Variants in PHACTR1 observed in about 807,000 individuals in gnomAD.
PHACTR1 encodes the protein phosphatase and actin regulator 1.
PHACTR1 carries 16 observed loss-of-function variants against 69.2 expected under a neutral mutation model. The ratio of observed to expected loss-of-function variants is 0.23; its 90% CI spans 0.16 to 0.35. The LOEUF (loss-of-function observed/expected upper bound fraction) is 0.35. Ranked by LOEUF, PHACTR1 falls within the 10% of genes least tolerant of loss-of-function variation. The pLI is 1.00. For missense variants in PHACTR1, 510 were observed against 734.7 expected, an observed-to-expected ratio of 0.69 and a Z score of 3.54; for synonymous variants, 312 against 284.5, an observed-to-expected ratio of 1.10 and a Z score of -0.97.
At chr6:12,891,988 A>G (rs779264101) in intron 4 of PHACTR1, among the ~76,000 whole-genome samples, 5 of 152,254 alleles carry the variant, frequency 3.3e-5, no homozygotes, top group Non-Finnish European at 5.9e-5. Flanking sequence ...AATTCCATCA[A>G]TCATTCCCAA....
chr6:12,779,064 G>A (rs1047872740), intron 4 of PHACTR1, among the ~76,000 whole-genome samples: 2 of 152,196 alleles, frequency 1.3e-5, no homozygotes, highest in Non-Finnish European at 2.9e-5. Context: ...GGCCGGGCAC[G>A]GTGGCTCATG....
chr6:12,718,858 A>C lies in PHACTR1; in HGVS notation c.103+11A>C, dbSNP rs1424210696. ...GTCAAGGAGCTCAAGGTAATAAAAT[A>C]AGAAAAAGAAATTCCTCTTATTTGC... is the stretch of plus-strand genomic sequence containing the variant. On this transcript the variant is annotated intron_variant, in intron 3 of 14. Coordinates refer to ENST00000332995, the MANE Select transcript of PHACTR1 (RefSeq NM_030948.6). 1 of 1,495,092 alleles carries C rather than the reference A, an allele frequency of 6.7e-7. No individual in the cohort carries two copies. Among genetic ancestry groups the C allele is most frequent in the South Asian group, 1.3e-5 (1 of 78,976 alleles). 92.6% of individuals were successfully genotyped at this position (1,495,092 alleles called of 1,614,324 possible). A position where few individuals can be genotyped will look rare whatever the true frequency, so the allele number is the denominator to read the frequency against.
At chr6:12,887,510 C>T (rs550248024) in intron 4 of PHACTR1, among the ~76,000 whole-genome samples, 8 of 152,298 alleles carry the variant, frequency 5.3e-5, no homozygotes, top group Non-Finnish European at 1.0e-4. Flanking sequence ...CATCTAGCAG[C>T]GTCTATCCAT....
chr6:13,029,116 C>T (rs1802093528), intron 4 of PHACTR1, among the ~76,000 whole-genome samples: 1 of 152,116 alleles, frequency 6.6e-6, no homozygotes, highest in Non-Finnish European at 1.5e-5. Context: ...GAAAATGAGG[C>T]TCAGTTGAAC....
Position 12,761,962 on chromosome 6 carries a change from C to A in PHACTR1, c.250+12172C>A, listed in dbSNP as rs190101976. ...TGCCCTGCATTTCTTCCAGACCTCG[C>A]GCCACGCTGCCTTCCAGCAACATCC... On this transcript the variant is annotated intron_variant, in intron 4 of 14. Transcript: ENST00000332995. Among the ~76,000 whole-genome samples, 478 of 152,326 alleles carry A rather than the reference C, an allele frequency of 3.1e-3. 4 individuals are homozygous for A. Among genetic ancestry groups the A allele is most frequent in the African/African-American group, 0.011 (458 of 41,572 alleles).
chr6:13,150,502 C>T (rs1003155086), intron 5 of PHACTR1, among the ~76,000 whole-genome samples: 1 of 152,014 alleles, frequency 6.6e-6, no homozygotes, highest in Non-Finnish European at 1.5e-5. Flanking sequence ...AGTGAAAGAC[C>T]CAATATGTGG....
Position 13,043,031 on chromosome 6 carries a change from T to A in PHACTR1, c.251-10334T>A, listed in dbSNP as rs545844600. ...TATAGTGGTTTCAGGCAGGGCTGGA[T>A]CCAGAAGACCAAGTGATGTAATGAG... On this transcript the variant is annotated intron_variant, in intron 4 of 14. Transcript: ENST00000332995. Among the ~76,000 whole-genome samples, 12 of 152,316 alleles carry A rather than the reference T, an allele frequency of 7.9e-5. No individual in the cohort carries two copies. The South Asian group carries it at 2.5e-3, about 32-fold the overall frequency.
chr6:13,082,621 C>G, intron 5 of PHACTR1, among the ~76,000 whole-genome samples: 1 of 152,192 alleles, frequency 6.6e-6, no homozygotes, highest in East Asian at 1.9e-4. Flanking sequence ...TGTTTCCTGA[C>G]TTATTAATGA....
At chr6:12,909,650 A>T (rs1406447951) in intron 4 of PHACTR1, among the ~76,000 whole-genome samples, 2 of 152,204 alleles carry the variant, frequency 1.3e-5, no homozygotes, top group African/African-American at 4.8e-5. Flanking sequence ...TGGCCCATGT[A>T]TCCCCTCCAG....
chr6:12,863,320 G>A (rs914179491), intron 4 of PHACTR1, among the ~76,000 whole-genome samples: 4 of 152,192 alleles, frequency 2.6e-5, no homozygotes, highest in Non-Finnish European at 5.9e-5. Flanking sequence ...CCTTCTCATG[G>A]TATCCTCATG....
rs1165735724 is a variant in PHACTR1 at position 13,272,637 on chromosome 6, G to C, written c.1392-223G>C. The C allele has an allele frequency of 3.6e-6, 5 of 1,399,888 alleles. No individual in the cohort carries two copies. In the East Asian group the frequency reaches 1.3e-4, roughly 36 times the overall value. The allele number at this position is 1,399,888 out of a possible 1,614,324, so 86.7% of individuals were successfully genotyped here. A position where few individuals can be genotyped will look rare whatever the true frequency, so the allele number is the denominator to read the frequency against. On this transcript the variant is annotated intron_variant, in intron 10 of 14. Transcript: ENST00000332995. ...GGCTGGGGAGGGGCCGCTGCAGGGA[G>C]GAGGGCGGGGGTCAGCGGCTGTGAC...
chr6:13,273,905 C>CCCCCCCCCCCCCCCCCCCCCCCCCCCCA (rs1778306173), intron 11 of PHACTR1: 1 of 131,878 alleles, frequency 7.6e-6, no homozygotes, highest in Non-Finnish European at 1.6e-5. Context: ...TCCCCCGGCC[C>CCCCCCCCCCCCCCCCCCCCCCCCCCCCA]CCCCGCCCCG....
In PHACTR1 at chr6:13,163,043, G is replaced by A. The variant is rs776537175; in HGVS notation, c.496+2759G>A. Among the ~76,000 whole-genome samples, 4 of 152,138 alleles carry A rather than the reference G, an allele frequency of 2.6e-5. No homozygotes were observed. In the East Asian group the frequency reaches 5.8e-4, roughly 22 times the overall value. On this transcript the variant is annotated intron_variant, in intron 6 of 14. Transcript: ENST00000332995. Reference sequence around the variant, plus strand: ...GTGGATCGCTTGAGGTCAGGAGTTCGAGACCAGCCTGGCCAACATGGTGAA... The same window carrying A: ...GTGGATCGCTTGAGGTCAGGAGTTCAAGACCAGCCTGGCCAACATGGTGAA...
chr6:12,921,293 A>C (rs532260434), intron 4 of PHACTR1, among the ~76,000 whole-genome samples: 45 of 152,230 alleles, frequency 3.0e-4, no homozygotes, highest in African/African-American at 8.9e-4. Context: ...AGGCATTCAC[A>C]CCCAGCTTTC....
intron 7 of PHACTR1, among the ~76,000 whole-genome samples, chr6:13,202,288 CAA>C (rs1037077670): frequency 5.3e-5 from 8 of 152,162 alleles, no homozygotes; most frequent in Admixed American, 5.2e-4. Context: ...GGGCAGAACT[CAA>C]TATAATCACT....
chr6:13,008,256 G>A (rs4075573), intron 4 of PHACTR1, among the ~76,000 whole-genome samples: 221 of 152,242 alleles, frequency 1.5e-3, no homozygotes, highest in African/African-American at 4.9e-3. Flanking sequence ...CCTCACTTGC[G>A]GGGCAATCAA....
At chr6:12,864,495 AC>A (rs1781256279) in intron 4 of PHACTR1, among the ~76,000 whole-genome samples, 4 of 152,178 alleles carry the variant, frequency 2.6e-5, no homozygotes, top group Admixed American at 2.6e-4. Context: ...CCTGGCTAAC[AC>A]GCTGAAACCC....
chr6:12,874,463 T>G (rs1782349150), intron 4 of PHACTR1, among the ~76,000 whole-genome samples: 1 of 152,230 alleles, frequency 6.6e-6, no homozygotes. Context: ...TGGCTATTCA[T>G]CATATCTTTC....
rs146741891 is a variant in PHACTR1 at position 13,245,832 on chromosome 6, G to T, written c.1391+15639G>T. On this transcript the variant is annotated intron_variant, in intron 10 of 14. Transcript: ENST00000332995. The surrounding 1 kb of genome is among the most constrained non-coding windows in gnomAD (Gnocchi z 4.1). The stretch of plus-strand genomic sequence containing the variant: ...TCTCGAGTTGATTTTTGTATATGGT[G>T]TAAGGAGCAGGTCCAGTTTCAATCC... Among the ~76,000 whole-genome samples, 281 of 152,246 alleles carry T rather than the reference G, an allele frequency of 1.8e-3. 4 individuals are homozygous for T. Among genetic ancestry groups the T allele is most frequent in the African/African-American group, 6.6e-3 (275 of 41,546 alleles).
Sources: gnomAD v4.1 joint callset for allele counts (sites outside exome capture counted in the v4.1 genomes callset) on GRCh38, gnomAD v4.1.1 for gene constraint, Gnocchi (gnomAD v3.1) non-coding constraint, MANE v1.5 for transcripts, NCBI Gene and HGNC (gene_info 2026-07-23, HGNC 2026-07-21) for gene names.